Variants in AUTS2 observed in about 807,000 individuals in gnomAD.
AUTS2 encodes the protein autism susceptibility gene 2 protein.
A neutral mutation model predicts 112.4 loss-of-function variants in AUTS2; 17 were observed. The observed-to-expected ratio is 0.15, with a 90% confidence interval of 0.10 to 0.23. The LOEUF (loss-of-function observed/expected upper bound fraction) is 0.23, where lower values mean the gene tolerates loss of function less well. Ranked by LOEUF, AUTS2 falls within the 10% of genes least tolerant of loss-of-function variation. The pLI, the probability that AUTS2 is intolerant of heterozygous loss-of-function variation, is 1.00. For missense variants in AUTS2, 1,510 were observed against 1,701.6 expected (o/e 0.89, Z 1.98); for synonymous variants, 751 against 702.7 (o/e 1.07, Z -1.09).
intron 4 of AUTS2, among the ~76,000 whole-genome samples, chr7:70,263,593 A>T (rs1333921391): frequency 6.6e-6 from 1 of 152,194 alleles, no homozygotes; most frequent in African/African-American, 2.4e-5. Flanking sequence ...GAGCATAAAA[A>T]CTTTATTACT....
Position 70,310,381 on chromosome 7 carries a change from T to C in AUTS2, c.661-125371T>C, listed in dbSNP as rs900915915. ...ATCCCAGCACTTTGGGAGGCCAAGG[T>C]GGGCGGATCATGAGGTCAGGAAATC... On this transcript the variant is annotated intron_variant, in intron 4 of 18. Coordinates refer to ENST00000342771, the MANE Select transcript of AUTS2 (RefSeq NM_015570.4). 7.9e-5 allele frequency among the ~76,000 whole-genome samples: 12 copies of C among 151,946 alleles called. No individual in the cohort carries two copies. The South Asian group carries it at 1.7e-3, about 21-fold the overall frequency.
chr7:70,729,564 A>T (rs1787244583), intron 6 of AUTS2, among the ~76,000 whole-genome samples: 1 of 152,080 alleles, frequency 6.6e-6, no homozygotes. Context: ...CCCAGGTCTT[A>T]CTCTTCAGTA....
intron 14 of AUTS2, among the ~76,000 whole-genome samples, chr7:70,780,916 C>A (rs930211597): frequency 6.6e-6 from 1 of 152,156 alleles, no homozygotes; most frequent in Non-Finnish European, 1.5e-5. Flanking sequence ...GCAGATTGTT[C>A]ATGCAGAATT....
chr7:70,557,063 A>G (rs1801278748), intron 5 of AUTS2, among the ~76,000 whole-genome samples: 1 of 152,130 alleles, frequency 6.6e-6, no homozygotes. Context: ...TCATTAAGTC[A>G]AGGACTGTGC....
chr7:70,609,181 A>AAG (rs1183112384), intron 5 of AUTS2, among the ~76,000 whole-genome samples: 1 of 152,126 alleles, frequency 6.6e-6, no homozygotes, highest in African/African-American at 2.4e-5. Context: ...CCTTCTGTCT[A>AAG]GCTGAAATTT....
intron 5 of AUTS2, among the ~76,000 whole-genome samples, chr7:70,605,546 C>CTCTTTTTTTTTTTTTTTTTTTT (rs1554440368): frequency 1.4e-5 from 1 of 70,664 alleles, no homozygotes; most frequent in African/African-American, 6.6e-5. Context: ...CCTTCTTTCT[C>CTCTTTTTTTTTTTTTTTTTTTT]TTTTTTTTTT....
Position 70,274,151 on chromosome 7 carries a change from C to T in AUTS2, c.660+139580C>T, listed in dbSNP as rs189715635. ...AATACCAGATTTCTTTTTCTCTCTT[C>T]TACTTATAGTATATTTGCCTTAAGT... On this transcript the variant is annotated intron_variant, in intron 4 of 18. Transcript: ENST00000342771. Among the ~76,000 whole-genome samples the T allele has an allele frequency of 2.1e-3, 315 of 152,246 alleles. 2 individuals carry two copies. Among genetic ancestry groups the T allele is most frequent in the Middle Eastern group, 3.4e-3 (1 of 294 alleles).
chr7:70,275,528 A>G (rs1414228642), intron 4 of AUTS2, among the ~76,000 whole-genome samples: 3 of 152,180 alleles, frequency 2.0e-5, no homozygotes, highest in African/African-American at 7.2e-5. Flanking sequence ...ATACTTAAAA[A>G]TGGTTAGAAT....
At chr7:70,436,403 A>G (rs1008639119) in intron 5 of AUTS2, 5 of 152,250 alleles carry the variant, frequency 3.3e-5, no homozygotes, top group Admixed American at 2.6e-4. Context: ...TGGATCAAGA[A>G]AAGGAACTCA....
rs183892782 is a variant in AUTS2 at position 70,136,760 on chromosome 7, A to G, written c.660+2189A>G. Among the ~76,000 whole-genome samples the G allele has an allele frequency of 4.6e-5, 7 of 152,312 alleles. No individual in the cohort carries two copies. In the East Asian group the frequency reaches 1.2e-3, roughly 25 times the overall value. On this transcript the variant is annotated intron_variant, in intron 4 of 18. Transcript: ENST00000342771. ...GCAGAGTCCATGAGCTATTAGCGCA[A>G]TTGAACCATAACATGAATTCTGGTG...
chr7:70,617,687 A>T (rs1345197674), intron 5 of AUTS2, among the ~76,000 whole-genome samples: 1 of 151,460 alleles, frequency 6.6e-6, no homozygotes, highest in African/African-American at 2.4e-5. Flanking sequence ...GAAGTTTGTG[A>T]GGGATTCCTA....
intron 3 of AUTS2, among the ~76,000 whole-genome samples, chr7:70,121,974 T>C (rs1805706021): frequency 6.6e-6 from 1 of 152,196 alleles, no homozygotes; most frequent in African/African-American, 2.4e-5. Context: ...TGTGACAGCT[T>C]GGCTGATAGG....
intron 5 of AUTS2, among the ~76,000 whole-genome samples, chr7:70,634,440 G>A (rs762363911): frequency 6.6e-6 from 1 of 152,144 alleles, no homozygotes; most frequent in Non-Finnish European, 1.5e-5. Context: ...TTTGCTGTTC[G>A]GCGGGCCTAG....
chr7:70,278,613 ACATACATACATATGTACATG>A (rs914853598), intron 4 of AUTS2, among the ~76,000 whole-genome samples: 1 of 151,702 alleles, frequency 6.6e-6, no homozygotes. Context: ...ATACATACAT[ACATACATACATATGTACATG>A]CATACATACA....
chr7:70,503,117 G>A lies in AUTS2; in HGVS notation c.690+67336G>A, dbSNP rs796915718. The stretch of plus-strand genomic sequence containing the variant: ...GGAAACGAGGTAGCAGCACCCATAG[G>A]TGTGCCTGTGCACTGGGTGCAGCTA... On this transcript the variant is annotated intron_variant, in intron 5 of 18. Coordinates refer to ENST00000342771, the MANE Select transcript of AUTS2 (RefSeq NM_015570.4). Among the ~76,000 whole-genome samples the A allele has an allele frequency of 1.6e-4, 25 of 152,178 alleles. 1 individual carries two copies. Among genetic ancestry groups the A allele is most frequent in the African/African-American group, 5.5e-4 (23 of 41,548 alleles).
intron 4 of AUTS2, among the ~76,000 whole-genome samples, chr7:70,430,864 C>G (rs1696853365): frequency 8.9e-6 from 1 of 112,150 alleles, no homozygotes; most frequent in Non-Finnish European, 1.6e-5. Flanking sequence ...GAGACGGAGT[C>G]TCGCTCTGTC....
chr7:70,624,797 C>T (rs937074305), intron 5 of AUTS2, among the ~76,000 whole-genome samples: 6 of 152,234 alleles, frequency 3.9e-5, no homozygotes, highest in Admixed American at 1.3e-4. Context: ...GCACTGGCTT[C>T]CCTGGGGTGT....
intron 1 of AUTS2, among the ~76,000 whole-genome samples, chr7:69,806,888 G>T: frequency 6.6e-6 from 1 of 152,114 alleles, no homozygotes; most frequent in East Asian, 1.9e-4. Context: ...GTACTTGTTG[G>T]ACTCTTCATC....
chr7:70,247,965 T>C (rs1415756157), intron 4 of AUTS2, among the ~76,000 whole-genome samples: 2 of 152,180 alleles, frequency 1.3e-5, no homozygotes, highest in African/African-American at 2.4e-5. Flanking sequence ...TGTCAGATGA[T>C]TTATTGAAAT....
Sources: gnomAD v4.1 joint callset for allele counts (sites outside exome capture counted in the v4.1 genomes callset) on GRCh38, gnomAD v4.1.1 for gene constraint, MANE v1.5 for transcripts, NCBI Gene and HGNC (gene_info 2026-07-23, HGNC 2026-07-21) for gene names.